The following PDE1C variants were observed in gnomAD, a reference collection of about 807,000 sequenced individuals.
The protein encoded by PDE1C is phosphodiesterase 1C.
A neutral mutation model predicts 93.1 loss-of-function variants in PDE1C; 62 were observed. The observed-to-expected ratio is 0.67, with a 90% CI of 0.54 to 0.82. PDE1C has a LOEUF of 0.82. PDE1C is among the 40% of genes least tolerant of loss of function. The probability of loss-of-function intolerance (pLI) is 0.00; values close to 1 mark genes in which losing one functional copy is unlikely to be tolerated. For missense variants in PDE1C, 742 were observed against 884.6 expected (o/e 0.84, Z 2.04); for synonymous variants, 325 against 310.1 (o/e 1.05, Z -0.50).
rs1207972839 is a variant in PDE1C at position 32,420,124 on chromosome 7, T to TATATAC, written c.310+7697_310+7698insGTATAT. ...ATATATATATATATATATATATATA[T>TATATAC]ACACACACACACACACACACACACA... On this transcript the variant is annotated intron_variant, in intron 1 of 1. Transcript: ENST00000672256. Among the ~76,000 whole-genome samples the TATATAC allele has an allele frequency of 2.9e-3, 38 of 13,084 alleles. 3 individuals carry two copies. The highest frequency in any genetic ancestry group is 6.7e-3 in the East Asian group (2 of 298). 8.6% of individuals were successfully genotyped at this position (13,084 alleles called of 152,430 possible). A position where few individuals can be genotyped will look rare whatever the true frequency, so the allele number is the denominator to read the frequency against.
downstream of PDE1C, among the ~76,000 whole-genome samples, chr7:31,748,616 A>G (rs1167980172): frequency 3.3e-5 from 5 of 152,234 alleles, no homozygotes; most frequent in Non-Finnish European, 1.5e-5. Context: ...CAAAAGTATA[A>G]TGAATACTCA....
At chr7:31,836,709 G>A (rs779591059) in intron 11 of PDE1C, among the ~76,000 whole-genome samples, 1 of 152,180 alleles carries the variant, frequency 6.6e-6, no homozygotes, top group Non-Finnish European at 1.5e-5. Context: ...TGGAATGGCA[G>A]TTTCTAGTGA....
chr7:31,832,071 A>C (rs1477257044), intron 11 of PDE1C, among the ~76,000 whole-genome samples: 1 of 152,180 alleles, frequency 6.6e-6, no homozygotes, highest in Non-Finnish European at 1.5e-5. Flanking sequence ...AGCTCAAAGG[A>C]GAACTGAATT....
At chr7:31,883,543 A>G (rs982739975) in intron 2 of PDE1C, among the ~76,000 whole-genome samples, 1 of 152,244 alleles carries the variant, frequency 6.6e-6, no homozygotes, top group African/African-American at 2.4e-5. Context: ...TTTACAAACT[A>G]AAAGCTAATT....
chr7:31,760,870 A>G (rs1231898229), intron 17 of PDE1C, among the ~76,000 whole-genome samples: 1 of 152,176 alleles, frequency 6.6e-6, no homozygotes, highest in East Asian at 1.9e-4. Context: ...ACATGAAGGA[A>G]AAAACTCTAC....
chr7:31,730,613 G>C, the PDE1C span, among the ~76,000 whole-genome samples: 6 of 152,200 alleles, frequency 3.9e-5, no homozygotes, highest in Non-Finnish European at 8.8e-5. Flanking sequence ...TTTTCCGGTT[G>C]GAAAGTGAAT....
Position 31,850,727 on chromosome 7 carries a change from C to T in PDE1C, c.765G>A (p.Glu255=). The part of the protein sequence containing the change: ...YKTGVANWLT[E]LEIFAIIFSA... Reference sequence around the variant, plus strand: ...AGAAGATTATAGCAAAGATCTCCAGCTCCGTCAGCCAGTTCTGAAAGGAGA... The same window carrying T: ...AGAAGATTATAGCAAAGATCTCCAGTTCCGTCAGCCAGTTCTGAAAGGAGA... The change falls in exon 8 of 18, where the codon GAG becomes GAA. Residue 255 remains glutamate, a synonymous_variant. Coordinates refer to ENST00000396191, the MANE Select transcript of PDE1C (RefSeq NM_001191057.4). The T allele has an allele frequency of 6.2e-7, 1 of 1,611,984 alleles. No individual in the cohort carries two copies. The highest frequency in any genetic ancestry group is 8.5e-7 in the Non-Finnish European group (1 of 1,178,214).
At chr7:31,959,852 T>C (rs1808677188) in intron 2 of PDE1C, among the ~76,000 whole-genome samples, 1 of 151,922 alleles carries the variant, frequency 6.6e-6, no homozygotes, top group African/African-American at 2.4e-5. Flanking sequence ...CTAGAAACAA[T>C]GTAATTTTCG....
At chr7:31,662,600 T>G in the PDE1C span, among the ~76,000 whole-genome samples, 1 of 152,226 alleles carries the variant, frequency 6.6e-6, no homozygotes, top group Non-Finnish European at 1.5e-5. Context: ...GTCTGTGTTG[T>G]GTAGACGTAT....
At chr7:32,086,900 C>A (rs1797121926) in intron 3 of PDE1C, among the ~76,000 whole-genome samples, 1 of 151,000 alleles carries the variant, frequency 6.6e-6, no homozygotes, top group Non-Finnish European at 1.5e-5. Context: ...CCATAAAAAC[C>A]CTAGAAGAAA....
chr7:31,685,820 G>A, the PDE1C span, among the ~76,000 whole-genome samples: 8 of 152,102 alleles, frequency 5.3e-5, no homozygotes, highest in Non-Finnish European at 1.2e-4. Context: ...CTAGACAAGA[G>A]CATCACCTTT....
intron 1 of PDE1C, among the ~76,000 whole-genome samples, chr7:32,243,356 C>A (rs533346967): frequency 2.0e-5 from 3 of 152,132 alleles, no homozygotes; most frequent in Non-Finnish European, 4.4e-5. Context: ...GTCCTTTGAG[C>A]CCTTAGAGAT....
rs1052447577 is a variant in PDE1C at position 32,080,896 on chromosome 7, T to G, written c.308+88889A>C. 3.9e-5 allele frequency among the ~76,000 whole-genome samples: 6 copies of G among 152,308 alleles called. No individual in the cohort carries two copies. The East Asian group carries it at 9.6e-4, about 24-fold the overall frequency. Reference sequence around the variant, plus strand: ...TGTGACTCGGCCCATAATCCTTCACTCTTAGACTGACAGACCCATCAGAAG... The same window carrying G: ...TGTGACTCGGCCCATAATCCTTCACGCTTAGACTGACAGACCCATCAGAAG... On this transcript the variant is annotated intron_variant, in intron 3 of 18. Transcript: ENST00000396193.
At chr7:32,045,212 A>G (rs1258645277) in intron 2 of PDE1C, among the ~76,000 whole-genome samples, 1 of 151,568 alleles carries the variant, frequency 6.6e-6, no homozygotes, top group African/African-American at 2.4e-5. Context: ...CCCCACCCCC[A>G]GCCATGTTTT....
intron 1 of PDE1C, among the ~76,000 whole-genome samples, chr7:32,288,758 C>A (rs1175286439): frequency 6.6e-6 from 1 of 152,212 alleles, no homozygotes; most frequent in Non-Finnish European, 1.5e-5. Flanking sequence ...CATTCACTTT[C>A]CCACTCACTG....
At chr7:31,871,652 T>A (rs1795962829) in intron 6 of PDE1C, among the ~76,000 whole-genome samples, 1 of 143,880 alleles carries the variant, frequency 7.0e-6, no homozygotes, top group Non-Finnish European at 1.5e-5. Context: ...AAAAGCAAAA[T>A]GAGATATCAT....
intron 2 of PDE1C, among the ~76,000 whole-genome samples, chr7:32,041,467 AAGC>A (rs1382471204): frequency 6.6e-6 from 1 of 152,200 alleles, no homozygotes; most frequent in Non-Finnish European, 1.5e-5. Context: ...AGAATAAACA[AAGC>A]AGAGCTGAGT....
At chr7:32,416,499 A>G (rs2128098826) in intron 1 of PDE1C, among the ~76,000 whole-genome samples, 1 of 152,290 alleles carries the variant, frequency 6.6e-6, no homozygotes, top group South Asian at 2.1e-4. Flanking sequence ...GCCATTTCAC[A>G]GCCATTTTGA....
intron 3 of PDE1C, among the ~76,000 whole-genome samples, chr7:32,138,401 T>C (rs1242542432): frequency 6.6e-6 from 1 of 152,184 alleles, no homozygotes; most frequent in African/African-American, 2.4e-5. Flanking sequence ...TACATAATTA[T>C]ATCAACAGAT....
Sources: gnomAD v4.1 joint callset for allele counts (sites outside exome capture counted in the v4.1 genomes callset) on GRCh38, gnomAD v4.1.1 for gene constraint, MANE v1.5 for transcripts, NCBI Gene and HGNC (gene_info 2026-07-23, HGNC 2026-07-21) for gene names.